ADCY2: variants seen among roughly 807,000 people sequenced by gnomAD.
ADCY2 encodes adenylate cyclase 2.
In ADCY2, 31 loss-of-function variants were observed where a neutral mutation model predicts 125.2. The ratio of observed to expected loss-of-function variants is 0.25; its 90% CI spans 0.19 to 0.33. ADCY2 has a LOEUF of 0.33. Among genes scored for constraint, ADCY2 ranks in the 10% least tolerant of loss-of-function variants. The pLI is 1.00. For synonymous variants in ADCY2, 512 were observed against 548.4 expected, an observed-to-expected ratio of 0.93 and a Z score of 0.93; for missense variants, 904 against 1,418.2, an observed-to-expected ratio of 0.64 and a Z score of 5.82.
intron 2 of ADCY2, among the ~76,000 whole-genome samples, chr5:7,448,307 C>T (rs1229854457): frequency 6.6e-6 from 1 of 152,116 alleles, no homozygotes; most frequent in African/African-American, 2.4e-5. Context: ...TGTCGTGTGC[C>T]AGACCCAGGT....
intron 4 of ADCY2, chr5:7,654,068 G>A (rs1739199322): frequency 2.2e-6 from 1 of 456,118 alleles, no homozygotes; most frequent in African/African-American, 2.0e-5. Flanking sequence ...CAGCAGATCA[G>A]TAGCATTTAC....
chr5:7,646,707 G>T (rs894422769), intron 4 of ADCY2, among the ~76,000 whole-genome samples: 1 of 152,208 alleles, frequency 6.6e-6, no homozygotes, highest in Admixed American at 6.5e-5. Flanking sequence ...ACATCGTACA[G>T]CTCAGCATTG....
intron 16 of ADCY2, among the ~76,000 whole-genome samples, chr5:7,765,141 A>C (rs1743339684): frequency 6.6e-6 from 1 of 152,154 alleles, no homozygotes; most frequent in African/African-American, 2.4e-5. Context: ...AGAATGCAAC[A>C]CTTCATTTTA....
intron 4 of ADCY2, among the ~76,000 whole-genome samples, chr5:7,671,813 C>T (rs1479276695): frequency 6.6e-6 from 1 of 151,812 alleles, no homozygotes; most frequent in Non-Finnish European, 1.5e-5. Context: ...TCTAAAAATA[C>T]ATGTTGTAGA....
intron 2 of ADCY2, among the ~76,000 whole-genome samples, chr5:7,495,331 G>C (rs558108815): frequency 6.6e-6 from 1 of 152,148 alleles, no homozygotes; most frequent in Non-Finnish European, 1.5e-5. Context: ...CAGGAATTTC[G>C]AGCTTCATTG....
chr5:7,657,167 C>T (rs73051861), intron 4 of ADCY2, among the ~76,000 whole-genome samples: 10 of 152,234 alleles, frequency 6.6e-5, no homozygotes, highest in African/African-American at 2.2e-4. Flanking sequence ...TTCTGAAATC[C>T]GAAACACTTC....
intron 2 of ADCY2, among the ~76,000 whole-genome samples, chr5:7,427,472 T>A (rs1158731721): frequency 6.6e-6 from 1 of 152,072 alleles, no homozygotes; most frequent in Non-Finnish European, 1.5e-5. Context: ...TATGAAACCA[T>A]CAGATCTCGT....
intron 20 of ADCY2, among the ~76,000 whole-genome samples, chr5:7,790,669 C>G (rs1416566499): frequency 6.6e-6 from 1 of 152,086 alleles, no homozygotes; most frequent in Non-Finnish European, 1.5e-5. Context: ...GTTTATTTTC[C>G]AAGGTTGAGG....
chr5:7,802,080 G>A lies in ADCY2; in HGVS notation c.2629-138G>A. On this transcript the variant is annotated intron_variant, in intron 20 of 24. Transcript: ENST00000338316. This position sits in a 1 kb window ranked among gnomAD's most constrained non-coding sequence, Gnocchi z 4.6. Reference sequence around the variant, plus strand: ...AGCGGCAGCATCTGGATTGGGCCGCGGCTGGGGTGGGGCAAGTGGAGTAGG... The same window carrying A: ...AGCGGCAGCATCTGGATTGGGCCGCAGCTGGGGTGGGGCAAGTGGAGTAGG... 2.1e-6 allele frequency: 2 copies of A among 932,480 alleles called. No homozygotes were observed. The highest frequency in any genetic ancestry group is 2.5e-5 in the East Asian group (1 of 39,704). The allele number at this position is 932,480 out of a possible 1,614,324, so 57.8% of individuals were successfully genotyped here. A position where few individuals can be genotyped will look rare whatever the true frequency, so the allele number is the denominator to read the frequency against.
intron 3 of ADCY2, among the ~76,000 whole-genome samples, chr5:7,556,213 C>T (rs1268694797): frequency 6.6e-6 from 1 of 152,130 alleles, no homozygotes; most frequent in Non-Finnish European, 1.5e-5. Flanking sequence ...AATTTTTACA[C>T]ATATTGATTG....
chr5:7,524,194 A>G (rs1289313804), intron 3 of ADCY2, among the ~76,000 whole-genome samples: 1 of 152,224 alleles, frequency 6.6e-6, no homozygotes, highest in African/African-American at 2.4e-5. Context: ...CACATTTTCA[A>G]CCTGAAGTGT....
At chr5:7,638,429 G>A (rs950452948) in intron 4 of ADCY2, among the ~76,000 whole-genome samples, 1 of 152,150 alleles carries the variant, frequency 6.6e-6, no homozygotes, top group African/African-American at 2.4e-5. Flanking sequence ...TAGTAGTGTG[G>A]ACTCTGCCCT....
At chr5:7,739,349 C>A (rs1028949450) in intron 14 of ADCY2, among the ~76,000 whole-genome samples, 4 of 151,402 alleles carry the variant, frequency 2.6e-5, no homozygotes, top group African/African-American at 9.7e-5. Context: ...GAAATACAAG[C>A]GAAATGTAAA....
At chr5:7,526,710 C>T (rs1734479335) in intron 3 of ADCY2, among the ~76,000 whole-genome samples, 1 of 152,152 alleles carries the variant, frequency 6.6e-6, no homozygotes, top group Non-Finnish European at 1.5e-5. Context: ...TTCAGCCACT[C>T]TCTGATTTAT....
intron 13 of ADCY2, among the ~76,000 whole-genome samples, chr5:7,724,950 ATTC>A (rs1741889404): frequency 6.6e-6 from 1 of 152,204 alleles, no homozygotes; most frequent in Admixed American, 6.5e-5. Context: ...AAAAAACAGA[ATTC>A]TTCTTGATAA....
intron 19 of ADCY2, among the ~76,000 whole-genome samples, chr5:7,789,373 A>C (rs1056637076): frequency 1.3e-5 from 2 of 152,190 alleles, no homozygotes; most frequent in African/African-American, 4.8e-5. Flanking sequence ...ATAACTTTGC[A>C]GGAAGCTTTA....
At chr5:7,701,157 C>T (rs927389128) in intron 7 of ADCY2, among the ~76,000 whole-genome samples, 2 of 151,658 alleles carry the variant, frequency 1.3e-5, no homozygotes, top group African/African-American at 4.9e-5. Flanking sequence ...TGGTTTCAAA[C>T]ATAAGGTGAA....
At chr5:7,500,688 A>C (rs536132707) in intron 2 of ADCY2, among the ~76,000 whole-genome samples, 2 of 152,318 alleles carry the variant, frequency 1.3e-5, no homozygotes, top group Admixed American at 1.3e-4. Context: ...AGCCTGGGAA[A>C]TTGTCAGGAC....
intron 16 of ADCY2, among the ~76,000 whole-genome samples, chr5:7,759,742 G>GA (rs1419239371): frequency 1.3e-5 from 2 of 152,196 alleles, no homozygotes; most frequent in African/African-American, 2.4e-5. Context: ...GCTGAAGAGG[G>GA]AAAATGTGCC....
Sources: allele counts gnomAD v4.1 joint callset (sites outside exome capture counted in the v4.1 genomes callset), GRCh38; gene constraint gnomAD v4.1.1; non-coding constraint Gnocchi (gnomAD v3.1); transcripts MANE v1.5; gene names NCBI Gene and HGNC (gene_info 2026-07-23, HGNC 2026-07-21).